The following SPAG16 variants were observed in gnomAD, a reference collection of about 807,000 sequenced individuals.
SPAG16 encodes sperm associated antigen 16.
Under a neutral mutation model 80.4 loss-of-function variants are expected in SPAG16, and 86 were observed. The observed-to-expected ratio is 1.07, with a 90% CI of 0.90 to 1.28. The LOEUF (loss-of-function observed/expected upper bound fraction) is 1.28. SPAG16 is among the 50% of genes most tolerant of loss of function. The pLI, the probability that SPAG16 is intolerant of heterozygous loss-of-function variation, is 0.00. For missense variants in SPAG16, 870 were observed against 765.3 expected (o/e 1.14, Z -1.61); for synonymous variants, 294 against 265.9 (o/e 1.11, Z -1.03).
chr2:214,102,529 C>T (rs1302545778), intron 13 of SPAG16, among the ~76,000 whole-genome samples: 1 of 151,966 alleles, frequency 6.6e-6, no homozygotes, highest in Non-Finnish European at 1.5e-5. Flanking sequence ...GTTTATGCTG[C>T]CTCATCATCT....
At chr2:214,334,275 T>C (rs1037992682) in intron 15 of SPAG16, among the ~76,000 whole-genome samples, 1 of 152,172 alleles carries the variant, frequency 6.6e-6, no homozygotes, top group Non-Finnish European at 1.5e-5. Flanking sequence ...GGGGCACATA[T>C]TGCCTTGCAA....
chr2:214,047,765 G>A (rs2049413866), intron 13 of SPAG16, among the ~76,000 whole-genome samples: 1 of 151,968 alleles, frequency 6.6e-6, no homozygotes, highest in Non-Finnish European at 1.5e-5. Flanking sequence ...TCACAGAATG[G>A]GAGAAAATAC....
chr2:214,108,357 G>A, intron 14 of SPAG16, 96 bp downstream of exon 14: 1 of 941,882 alleles, frequency 1.1e-6, no homozygotes, highest in Non-Finnish European at 1.6e-6. Context: ...GTAAGTTAAT[G>A]AGGTGAGAAG....
At chr2:213,419,408 G>C (rs1242149273) in intron 9 of SPAG16, among the ~76,000 whole-genome samples, 1 of 151,778 alleles carries the variant, frequency 6.6e-6, no homozygotes, top group Admixed American at 6.6e-5. Flanking sequence ...TCCCTAATAT[G>C]CTCATACAGA....
chr2:213,842,159 C>G (rs1048077881), intron 10 of SPAG16, among the ~76,000 whole-genome samples: 1 of 151,942 alleles, frequency 6.6e-6, no homozygotes, highest in East Asian at 1.9e-4. Flanking sequence ...ATTTTCTTTC[C>G]TGAATTCACA....
chr2:213,629,875 C>G (rs2062082267), intron 10 of SPAG16, among the ~76,000 whole-genome samples: 1 of 152,202 alleles, frequency 6.6e-6, no homozygotes, highest in Non-Finnish European at 1.5e-5. Flanking sequence ...GTCTGGCTCT[C>G]ACTCTCAGTG....
chr2:213,494,718 G>A (rs185594912), intron 10 of SPAG16, among the ~76,000 whole-genome samples: 1 of 152,118 alleles, frequency 6.6e-6, no homozygotes, highest in African/African-American at 2.4e-5. Flanking sequence ...TCTTCCCCTT[G>A]TTGAAAAAAT....
chr2:213,642,853 A>G (rs1057184375), intron 10 of SPAG16, among the ~76,000 whole-genome samples: 1 of 140,788 alleles, frequency 7.1e-6, no homozygotes, highest in African/African-American at 2.6e-5. Flanking sequence ...AAAAAAAGAG[A>G]GACTGGTCTA....
chr2:214,312,237 A>G (rs1173992185), intron 15 of SPAG16, among the ~76,000 whole-genome samples: 2 of 152,168 alleles, frequency 1.3e-5, no homozygotes, highest in African/African-American at 4.8e-5. Context: ...TCCAAATTAA[A>G]AACAAAAGAA....
At chr2:214,287,649 T>A (rs911252345) in intron 15 of SPAG16, among the ~76,000 whole-genome samples, 4 of 152,240 alleles carry the variant, frequency 2.6e-5, no homozygotes, top group African/African-American at 4.8e-5. Flanking sequence ...TACAATTGAA[T>A]GCATTCACAT....
At chr2:213,913,384 T>A (rs553759439) in intron 11 of SPAG16, among the ~76,000 whole-genome samples, 2 of 152,114 alleles carry the variant, frequency 1.3e-5, no homozygotes, top group Admixed American at 1.3e-4. Flanking sequence ...GAAGCACATG[T>A]GTAAACGTTT....
chr2:213,840,052 G>A (rs1251406628), intron 10 of SPAG16, among the ~76,000 whole-genome samples: 2 of 152,088 alleles, frequency 1.3e-5, no homozygotes, highest in East Asian at 3.9e-4. Context: ...ATATCCTGAG[G>A]GCTTCTAAAG....
In SPAG16 at chr2:213,862,674, G is replaced by A. The variant is rs1236970721; in HGVS notation, c.1214+46G>A. 8 of 1,601,732 alleles carry A rather than the reference G, an allele frequency of 5.0e-6. No individual in the cohort carries two copies. The East Asian group carries it at 1.8e-4, about 36-fold the overall frequency. On this transcript the variant is annotated intron_variant, in intron 11 of 15. Coordinates refer to ENST00000331683, the MANE Select transcript of SPAG16 (RefSeq NM_024532.5). ...GAAATAGCCTAATCTCTCTAGGAAT[G>A]TGCTCCTTTACTCTGTCTGCTCACT...
chr2:213,597,626 G>T (rs1355577152), intron 10 of SPAG16, among the ~76,000 whole-genome samples: 1 of 151,536 alleles, frequency 6.6e-6, no homozygotes, highest in Non-Finnish European at 1.5e-5. Context: ...GTCACTTTTG[G>T]CCAATGAAAT....
chr2:213,980,614 G>GTA (rs1182741282), intron 12 of SPAG16, among the ~76,000 whole-genome samples: 4 of 140,074 alleles, frequency 2.9e-5, no homozygotes, highest in African/African-American at 5.3e-5. Context: ...TGGAGTATAT[G>GTA]TATATATATA....
At chr2:214,102,701 C>T (rs117237204) in intron 13 of SPAG16, among the ~76,000 whole-genome samples, 1 of 152,188 alleles carries the variant, frequency 6.6e-6, no homozygotes, top group East Asian at 1.9e-4. Context: ...ACGGCAAATC[C>T]ATAGGTGTCT....
At chr2:213,653,433 C>G (rs996834981) in intron 10 of SPAG16, among the ~76,000 whole-genome samples, 1 of 152,166 alleles carries the variant, frequency 6.6e-6, no homozygotes, top group Non-Finnish European at 1.5e-5. Context: ...CATTTCTCTT[C>G]CCACTTTTCC....
chr2:213,467,352 G>C (rs2072756220), intron 9 of SPAG16, among the ~76,000 whole-genome samples: 1 of 152,148 alleles, frequency 6.6e-6, no homozygotes, highest in Non-Finnish European at 1.5e-5. Context: ...CTGCACCAGT[G>C]GGAGACAAAG....
intron 10 of SPAG16, among the ~76,000 whole-genome samples, chr2:213,702,530 T>G (rs974154671): frequency 6.6e-6 from 1 of 152,068 alleles, no homozygotes; most frequent in Non-Finnish European, 1.5e-5. Context: ...GCCGCGAGGG[T>G]CCACAGCTTC....
Sources: gnomAD v4.1 joint callset for allele counts (sites outside exome capture counted in the v4.1 genomes callset) on GRCh38, gnomAD v4.1.1 for gene constraint, MANE v1.5 for transcripts, NCBI Gene and HGNC (gene_info 2026-07-23, HGNC 2026-07-21) for gene names.